APAF1: variants seen among roughly 807,000 people sequenced by gnomAD.
The protein encoded by APAF1 is apoptotic peptidase activating factor 1, also known as apoptotic protease-activating factor 1.
Under a neutral mutation model 152.4 loss-of-function variants are expected in APAF1, and 91 were observed. The observed-to-expected ratio is 0.60, with a 90% CI of 0.50 to 0.71. APAF1 has a LOEUF of 0.71. APAF1 is among the 30% of genes least tolerant of loss of function. APAF1 has a pLI of 0.00. For missense variants in APAF1, 1,283 were observed against 1,472.0 expected (o/e 0.87, Z 2.10); for synonymous variants, 484 against 494.1 (o/e 0.98, Z 0.27).
intron 7 of APAF1, among the ~76,000 whole-genome samples, chr12:98,664,391 A>G (rs780082497): frequency 2.6e-5 from 4 of 152,180 alleles, no homozygotes; most frequent in Admixed American, 1.3e-4. Context: ...AGGGTGATGC[A>G]TGTCCATTTT....
Position 98,665,776 on chromosome 12 carries a change from T to G in APAF1, c.1179T>G (p.Val393=). 6.2e-7 allele frequency: 1 copy of G among 1,611,806 alleles called. No individual in the cohort carries two copies. Among genetic ancestry groups the G allele is most frequent in the South Asian group, 1.1e-5 (1 of 91,040 alleles). The change falls in exon 8 of 27, where the codon GTT becomes GTG. Residue 393 remains valine, a synonymous_variant. Transcript: ENST00000551964. ...ATCTTTCCATCCTTCAGAAGGACGT[T>G]AAGGTGCCTACAAAGGTAATGGGAT... is the stretch of plus-strand genomic sequence containing the variant. The part of the protein sequence containing the change: ...YTDLSILQKD[V]KVPTKVLCIL...
At chr12:98,663,290 G>A (rs1390174865) in intron 7 of APAF1, among the ~76,000 whole-genome samples, 1 of 151,958 alleles carries the variant, frequency 6.6e-6, no homozygotes, top group Admixed American at 6.5e-5. Flanking sequence ...TTTGATATAA[G>A]TATTTTTAAT....
At position 98,661,129 on chromosome 12, in the gene APAF1, C is replaced by T. The variant is rs539669635; in HGVS notation, c.711-1327C>T. 4.6e-5 allele frequency among the ~76,000 whole-genome samples: 7 copies of T among 152,288 alleles called. No homozygotes were observed. In the East Asian group the frequency reaches 1.2e-3, roughly 25 times the overall value. On this transcript the variant is annotated intron_variant, in intron 5 of 26. Coordinates refer to ENST00000551964, the MANE Select transcript of APAF1 (RefSeq NM_181861.2). ...TGTTAACCAGGATGGTCTTGATCTC[C>T]TGACCTCGTGATCTGCCCACCTTGG...
chr12:98,683,164 G>A lies in APAF1; in HGVS notation c.2068G>A (p.Glu690Lys). 1 of 1,612,864 alleles carries A rather than the reference G, an allele frequency of 6.2e-7. No homozygotes were observed. Among genetic ancestry groups the A allele is most frequent in the Non-Finnish European group, 8.5e-7 (1 of 1,179,154 alleles). Residue 690 changes from glutamate (E) to lysine (K), a missense_variant, in exon 15 of 27, where the codon GAA becomes AAA. Glu to Lys is a moderately conservative substitution (Grantham distance 56). Transcript: ENST00000551964. Reference protein sequence around the residue: ...KVKIWNSMTGELVHTYDEHSE... With the variant: ...KVKIWNSMTGKLVHTYDEHSE... The stretch of plus-strand genomic sequence containing the variant: ...TTAGATTTGGAATTCTATGACTGGG[G>A]AACTAGTACACACCTATGATGAGCA...
intron 4 of APAF1, among the ~76,000 whole-genome samples, chr12:98,656,258 T>C (rs2097657478): frequency 6.6e-6 from 1 of 152,146 alleles, no homozygotes; most frequent in African/African-American, 2.4e-5. Flanking sequence ...TGGTTAACAA[T>C]TCGGAGTAAA....
At chr12:98,716,409 G>C (rs2097734801) in intron 22 of APAF1, among the ~76,000 whole-genome samples, 2 of 152,100 alleles carry the variant, frequency 1.3e-5, no homozygotes. Flanking sequence ...GTGTACTAAG[G>C]GTACTGTGAA....
intron 4 of APAF1, among the ~76,000 whole-genome samples, chr12:98,653,719 T>TAGATATATATATATAG (rs1555213974): frequency 9.2e-6 from 1 of 108,226 alleles, no homozygotes; most frequent in African/African-American, 3.8e-5. Flanking sequence ...TATATATATA[T>TAGATATATATATATAG]ATATAGTTTT....
At chr12:98,727,365 C>G (rs2097752070) in intron 26 of APAF1, 49 bp downstream of exon 26, 1 of 1,598,502 alleles carries the variant, frequency 6.3e-7, no homozygotes, top group African/African-American at 1.3e-5. Flanking sequence ...CTATATCATA[C>G]TTTCCAAGCT....
At position 98,645,712 on chromosome 12, in the gene APAF1, A is replaced by G. The variant is rs1478815425; in HGVS notation, c.-165A>G. The G allele has an allele frequency of 1.3e-5, 2 of 152,234 alleles. No homozygotes were observed. The highest frequency in any genetic ancestry group is 4.8e-5 in the African/African-American group (2 of 41,454). 9.4% of individuals were successfully genotyped at this position (152,234 alleles called of 1,614,324 possible). Reference sequence around the variant, plus strand: ...GGGCGAAGGGTATGTGGCGAGACAGAGCCCTGCACCCCTAATTCCCGGTGG... The same window carrying G: ...GGGCGAAGGGTATGTGGCGAGACAGGGCCCTGCACCCCTAATTCCCGGTGG... On this transcript the variant is annotated 5_prime_UTR_variant, in exon 1 of 27. Coordinates refer to ENST00000551964, the MANE Select transcript of APAF1 (RefSeq NM_181861.2).
chr12:98,701,339 A>T (rs1593086028), intron 17 of APAF1, among the ~76,000 whole-genome samples: 1 of 152,070 alleles, frequency 6.6e-6, no homozygotes, highest in South Asian at 2.1e-4. Flanking sequence ...ACAAGTATCT[A>T]TTTGAGCCTT....
chr12:98,660,081 C>T (rs1193878751), intron 5 of APAF1, among the ~76,000 whole-genome samples: 2 of 152,196 alleles, frequency 1.3e-5, no homozygotes, highest in Non-Finnish European at 2.9e-5. Flanking sequence ...GACAGTGGCT[C>T]ATGCCTGTAG....
chr12:98,702,716 T>G (rs1371423879), intron 17 of APAF1, among the ~76,000 whole-genome samples: 1 of 151,772 alleles, frequency 6.6e-6, no homozygotes, highest in Non-Finnish European at 1.5e-5. Context: ...TCCCAGCTAC[T>G]TGGGAGGCTG....
intron 22 of APAF1, among the ~76,000 whole-genome samples, chr12:98,716,745 C>G (rs748759076): frequency 3.3e-5 from 5 of 152,036 alleles, no homozygotes; most frequent in Non-Finnish European, 7.4e-5. Context: ...TGATTCTTTC[C>G]TTTTTGTTCC....
chr12:98,679,431 C>T (rs1386818545), intron 13 of APAF1, among the ~76,000 whole-genome samples: 2 of 152,208 alleles, frequency 1.3e-5, no homozygotes, highest in Admixed American at 6.5e-5. Flanking sequence ...CTCAATAAAG[C>T]TCCTGTTTGT....
At chr12:98,721,445 C>A (rs997017400) in intron 22 of APAF1, among the ~76,000 whole-genome samples, 3 of 152,128 alleles carry the variant, frequency 2.0e-5, no homozygotes, top group African/African-American at 7.2e-5. Context: ...TCCAGTGAAG[C>A]CCAGAAAGCG....
chr12:98,649,449 G>T (rs1339201092), intron 3 of APAF1, 38 bp from the exon 4 acceptor site: 2 of 1,601,182 alleles, frequency 1.2e-6, no homozygotes, highest in Non-Finnish European at 1.7e-6. Context: ...TTATTCCAAA[G>T]TTCTATTCAT....
At chr12:98,715,262 A>T (rs1276872573) in intron 21 of APAF1, among the ~76,000 whole-genome samples, 165 bp from the exon 22 acceptor site, 2 of 126,368 alleles carry the variant, frequency 1.6e-5, no homozygotes, top group Non-Finnish European at 3.4e-5. Context: ...ATATATATAT[A>T]TATATATATA....
At chr12:98,723,883 T>C in intron 24 of APAF1, 119 bp downstream of exon 24, 1 of 1,136,184 alleles carries the variant, frequency 8.8e-7, no homozygotes, top group Non-Finnish European at 1.3e-6. Flanking sequence ...TCATATTTTG[T>C]GATCTTTTGG....
At chr12:98,686,610 C>G in intron 15 of APAF1, 138 bp from the exon 16 acceptor site, 6 of 819,968 alleles carry the variant, frequency 7.3e-6, no homozygotes, top group Non-Finnish European at 1.1e-5. Context: ...GTGTTTGATA[C>G]GTTTGTGTTA....
Sources: gnomAD v4.1 joint callset for allele counts (sites outside exome capture counted in the v4.1 genomes callset) on GRCh38, gnomAD v4.1.1 for gene constraint, MANE v1.5 for transcripts, NCBI Gene and HGNC (gene_info 2026-07-23, HGNC 2026-07-21) for gene names.